MS4A4A: variants seen among roughly 807,000 people sequenced by gnomAD.
MS4A4A encodes the protein membrane-spanning 4-domains subfamily A member 4A.
In MS4A4A, 26 loss-of-function variants were observed where a neutral mutation model predicts 28.0. The observed-to-expected ratio is 0.93, with a 90% confidence interval of 0.68 to 1.29. The LOEUF is 1.29. Ranked by LOEUF, MS4A4A falls within the 50% of genes most tolerant of loss-of-function variation. The pLI is 0.00. For synonymous variants in MS4A4A, 86 were observed against 100.8 expected (o/e 0.85, Z 0.88); for missense variants, 290 against 293.1 (o/e 0.99, Z 0.08).
rs1328677585 is a variant in MS4A4A at position 60,297,054 on chromosome 11, A to T, written c.202-143A>T. On this transcript the variant is annotated intron_variant, in intron 2 of 6. Transcript: ENST00000337908. ...TTACATTCACGGTTATTTATGTGAA[A>T]AAAGAGTGATAAGAGAATACTAAGA... The T allele has an allele frequency of 3.1e-6, 3 of 968,926 alleles. No individual in the cohort carries two copies. In the Admixed American group the frequency reaches 7.2e-5, roughly 23 times the overall value. 60.0% of individuals were successfully genotyped at this position (968,926 alleles called of 1,614,324 possible).
chr11:60,298,515 C>T (rs1199271947), intron 3 of MS4A4A, among the ~76,000 whole-genome samples: 1 of 152,178 alleles, frequency 6.6e-6, no homozygotes, highest in African/African-American at 2.4e-5. Flanking sequence ...TCATTTCAAA[C>T]AATCACCACG....
At chr11:60,283,526 A>G (rs1002559779) in intron 1 of MS4A4A, among the ~76,000 whole-genome samples, 10 of 152,120 alleles carry the variant, frequency 6.6e-5, no homozygotes, top group Admixed American at 6.5e-5. Flanking sequence ...AATAATCTCC[A>G]CATAGGAAGA....
intron 6 of MS4A4A, among the ~76,000 whole-genome samples, chr11:60,307,047 G>A (rs1407505645): frequency 6.6e-6 from 1 of 152,192 alleles, no homozygotes; most frequent in Non-Finnish European, 1.5e-5. Context: ...AGGAAGAATG[G>A]GGAGGGATAT....
At chr11:60,302,170 T>C (rs954288601) in intron 4 of MS4A4A, among the ~76,000 whole-genome samples, 2 of 152,098 alleles carry the variant, frequency 1.3e-5, no homozygotes, top group African/African-American at 2.4e-5. Context: ...AGAGATAATA[T>C]ACAAAAGGTA....
Position 60,306,204 on chromosome 11 carries a change from G to T in MS4A4A, c.648+3G>T. On this transcript the variant is annotated splice_donor_region_variant and intron_variant, in intron 6 of 6. Transcript: ENST00000337908. Reference sequence around the variant, plus strand: ...TGCTCTGTTGTACCCCTGGTGGGGTGAGTATTGGCCTTCATTTGAAGATGA... The same window carrying T: ...TGCTCTGTTGTACCCCTGGTGGGGTTAGTATTGGCCTTCATTTGAAGATGA... The T allele has an allele frequency of 6.2e-7, 1 of 1,601,754 alleles. No individual in the cohort carries two copies. The highest frequency in any genetic ancestry group is 8.6e-7 in the Non-Finnish European group (1 of 1,168,738).
chr11:60,294,153 A>G (rs981275678), intron 2 of MS4A4A, among the ~76,000 whole-genome samples: 4 of 152,312 alleles, frequency 2.6e-5, no homozygotes, highest in African/African-American at 9.6e-5. Context: ...TTACCATTCT[A>G]ACAGGTGCTA....
chr11:60,299,696 CGT>C (rs1565147621), intron 3 of MS4A4A, among the ~76,000 whole-genome samples: 1 of 151,952 alleles, frequency 6.6e-6, no homozygotes, highest in African/African-American at 2.4e-5. Context: ...CTCCTGGTCT[CGT>C]GATCCACCCG....
intron 6 of MS4A4A, among the ~76,000 whole-genome samples, chr11:60,307,301 C>A (rs1205596180): frequency 1.3e-5 from 2 of 152,214 alleles, no homozygotes. Flanking sequence ...CACTCCCCCA[C>A]AGCCCTTCCT....
chr11:60,299,448 C>CTTTT (rs5792179), intron 3 of MS4A4A, among the ~76,000 whole-genome samples: 1 of 113,226 alleles, frequency 8.8e-6, no homozygotes, highest in African/African-American at 3.4e-5. Flanking sequence ...AATTACAATT[C>CTTTT]TTTTTTTTTT....
At chr11:60,303,598 C>T (rs2084972061) in intron 5 of MS4A4A, among the ~76,000 whole-genome samples, 2 of 152,056 alleles carry the variant, frequency 1.3e-5, no homozygotes, top group South Asian at 2.1e-4. Flanking sequence ...ATCCCAGCTA[C>T]TCGGGGGGCT....
intron 1 of MS4A4A, among the ~76,000 whole-genome samples, chr11:60,283,898 CATT>C (rs2084779315): frequency 6.6e-6 from 1 of 152,228 alleles, no homozygotes; most frequent in Non-Finnish European, 1.5e-5. Flanking sequence ...TCACAAATTC[CATT>C]ATCATTGGAA....
chr11:60,282,842 T>A, intron 1 of MS4A4A: 1 of 840,796 alleles, frequency 1.2e-6, no homozygotes, highest in Non-Finnish European at 1.6e-6. Flanking sequence ...AGAAGGCTTT[T>A]AAAGGGGATG....
intron 3 of MS4A4A, among the ~76,000 whole-genome samples, chr11:60,297,780 G>T (rs1044406219): frequency 6.6e-6 from 1 of 152,090 alleles, no homozygotes; most frequent in South Asian, 2.1e-4. Context: ...TAAGGATAAC[G>T]GACTTGCCAT....
intron 1 of MS4A4A, chr11:60,290,191 C>T: frequency 2.8e-6 from 1 of 359,032 alleles, no homozygotes. Flanking sequence ...TATACTTTTC[C>T]AGGGAAGTGA....
At position 60,292,212 on chromosome 11, in the gene MS4A4A, T is replaced by C. The variant is rs1342778003; in HGVS notation, c.42-13T>C. 6.5e-7 allele frequency: 1 copy of C among 1,527,750 alleles called. No individual in the cohort carries two copies. Among genetic ancestry groups the C allele is most frequent in the Admixed American group, 2.2e-5 (1 of 44,650 alleles). The allele number at this position is 1,527,750 out of a possible 1,614,324, so 94.6% of individuals were successfully genotyped here. A position where few individuals can be genotyped will look rare whatever the true frequency, so the allele number is the denominator to read the frequency against. ...TTCCAGGACATCATACTAAATTACA[T>C]TTCTTATTGTAGCACCTTTTCTGCT... On this transcript the variant is annotated splice_polypyrimidine_tract_variant and intron_variant, in intron 1 of 6. Coordinates refer to ENST00000337908, the MANE Select transcript of MS4A4A (RefSeq NM_148975.3).
intron 3 of MS4A4A, among the ~76,000 whole-genome samples, chr11:60,300,363 T>C (rs2084940617): frequency 6.6e-6 from 1 of 152,124 alleles, no homozygotes; most frequent in Non-Finnish European, 1.5e-5. Context: ...ACGCCTGTAA[T>C]CCCAGCACTT....
intron 1 of MS4A4A, 135 bp from the exon 2 acceptor site, chr11:60,292,090 C>A: frequency 8.9e-7 from 1 of 1,118,934 alleles, no homozygotes; most frequent in East Asian, 3.0e-5. Flanking sequence ...TCCACTTCCC[C>A]AGCTCTAACA....
intron 2 of MS4A4A, 44 bp downstream of exon 2, chr11:60,292,428 A>T (rs1269722919): frequency 1.3e-6 from 2 of 1,526,974 alleles, no homozygotes; most frequent in Non-Finnish European, 1.8e-6. Context: ...TTGCAAACTC[A>T]TATTTCATAA....
intron 3 of MS4A4A, among the ~76,000 whole-genome samples, chr11:60,297,529 A>G (rs1294891776): frequency 6.6e-6 from 1 of 152,192 alleles, no homozygotes; most frequent in Admixed American, 6.5e-5. Flanking sequence ...AAATATTTAT[A>G]TATGTCAGTT....
Sources: allele counts gnomAD v4.1 joint callset (sites outside exome capture counted in the v4.1 genomes callset), GRCh38; gene constraint gnomAD v4.1.1; transcripts MANE v1.5; gene names NCBI Gene and HGNC (gene_info 2026-07-23, HGNC 2026-07-21).